Variants in SUGCT observed in about 807,000 individuals in gnomAD.
SUGCT encodes succinyl-CoA:glutarate-CoA transferase.
Under a neutral mutation model 55.0 loss-of-function variants are expected in SUGCT, and 41 were observed. That is an observed-to-expected ratio of 0.74 (90% CI 0.58 to 0.97). The LOEUF is 0.97. Among genes scored for constraint, SUGCT ranks in the 50% least tolerant of loss-of-function variants. SUGCT has a pLI of 0.00. For missense variants in SUGCT, 568 were observed against 547.8 expected, an observed-to-expected ratio of 1.04 and a Z score of -0.37; for synonymous variants, 187 against 200.4, an observed-to-expected ratio of 0.93 and a Z score of 0.56.
the SUGCT span, among the ~76,000 whole-genome samples, chr7:40,880,280 T>C: frequency 6.6e-6 from 1 of 152,218 alleles, no homozygotes; most frequent in African/African-American, 2.4e-5. Context: ...TATTTAGTTA[T>C]TTATTTATTC....
intron 12 of SUGCT, among the ~76,000 whole-genome samples, chr7:40,635,542 A>G (rs1003768433): frequency 4.6e-5 from 7 of 152,208 alleles, no homozygotes; most frequent in African/African-American, 1.7e-4. Context: ...ATGCTAATCA[A>G]ATTAAATTAA....
chr7:40,409,320 A>G (rs564520658), intron 9 of SUGCT, among the ~76,000 whole-genome samples: 12 of 150,212 alleles, frequency 8.0e-5, no homozygotes, highest in South Asian at 4.2e-4. Flanking sequence ...CTGTATTGCA[A>G]TGGTGCGATC....
chr7:40,964,700 A>ATT, the SUGCT span: 4 of 152,214 alleles, frequency 2.6e-5, no homozygotes. Flanking sequence ...TTAATTCTTT[A>ATT]TTGATATGCT....
chr7:40,245,867 C>T (rs1398178368), intron 7 of SUGCT, among the ~76,000 whole-genome samples: 1 of 150,418 alleles, frequency 6.6e-6, no homozygotes, highest in South Asian at 2.1e-4. Context: ...ACAAACATTA[C>T]AAGTCTTGCT....
intron 9 of SUGCT, among the ~76,000 whole-genome samples, chr7:40,345,902 A>C (rs1355639241): frequency 6.6e-6 from 1 of 151,938 alleles, no homozygotes; most frequent in African/African-American, 2.4e-5. Flanking sequence ...CTATTTTGAA[A>C]AAGAAACTGG....
At chr7:40,167,634 A>G (rs912799461) in intron 1 of SUGCT, among the ~76,000 whole-genome samples, 5 of 152,198 alleles carry the variant, frequency 3.3e-5, no homozygotes, top group African/African-American at 1.2e-4. Context: ...GGGTCACGGA[A>G]GAGAACTGTG....
intron 13 of SUGCT, among the ~76,000 whole-genome samples, chr7:40,770,193 T>G (rs1789020702): frequency 1.3e-5 from 2 of 152,158 alleles, no homozygotes; most frequent in African/African-American, 4.8e-5. Context: ...CTGTGGTGAG[T>G]GGCTTTTATA....
intron 13 of SUGCT, among the ~76,000 whole-genome samples, chr7:40,846,012 C>T (rs1428912121): frequency 3.9e-5 from 6 of 152,158 alleles, no homozygotes; most frequent in African/African-American, 1.4e-4. Flanking sequence ...TTTAGTTGCT[C>T]CTTTTAAAAT....
chr7:40,771,020 A>G (rs897320131), intron 13 of SUGCT, among the ~76,000 whole-genome samples: 8 of 152,184 alleles, frequency 5.3e-5, no homozygotes, highest in African/African-American at 1.2e-4. Flanking sequence ...CCAGATGCCA[A>G]TGTCTCTAAA....
At chr7:40,955,415 C>T in the SUGCT span, among the ~76,000 whole-genome samples, 1 of 152,148 alleles carries the variant, frequency 6.6e-6, no homozygotes, top group Non-Finnish European at 1.5e-5. Flanking sequence ...GGAATTCACT[C>T]ATGATTTGGC....
intron 7 of SUGCT, among the ~76,000 whole-genome samples, chr7:40,256,326 C>T (rs1443900703): frequency 3.3e-5 from 5 of 152,030 alleles, no homozygotes; most frequent in African/African-American, 9.7e-5. Context: ...TTGGTTTAGC[C>T]AATCTTAGTA....
At chr7:40,944,112 C>G in the SUGCT span, among the ~76,000 whole-genome samples, 1 of 152,082 alleles carries the variant, frequency 6.6e-6, no homozygotes, top group Non-Finnish European at 1.5e-5. Flanking sequence ...CCTTTGTGCA[C>G]TTTTTGATGG....
At chr7:40,466,423 C>T (rs937673372) in intron 11 of SUGCT, among the ~76,000 whole-genome samples, 1 of 152,186 alleles carries the variant, frequency 6.6e-6, no homozygotes, top group South Asian at 2.1e-4. Flanking sequence ...AAAATAAGCA[C>T]AAGTTTTAGG....
At chr7:40,876,801 T>A in the SUGCT span, among the ~76,000 whole-genome samples, 1 of 152,104 alleles carries the variant, frequency 6.6e-6, no homozygotes, top group African/African-American at 2.4e-5. Flanking sequence ...TGTGCATCCA[T>A]CCCAGGGCTG....
intron 12 of SUGCT, among the ~76,000 whole-genome samples, chr7:40,717,679 G>T (rs1786094975): frequency 1.3e-5 from 2 of 152,176 alleles, no homozygotes; most frequent in African/African-American, 2.4e-5. Flanking sequence ...GTGATTAGTT[G>T]AATAAATTAT....
chr7:41,023,550 A>G, the SUGCT span, among the ~76,000 whole-genome samples: 2 of 152,200 alleles, frequency 1.3e-5, no homozygotes, highest in Non-Finnish European at 2.9e-5. Flanking sequence ...GAATCTTTGT[A>G]CATCCAACAT....
At position 40,693,721 on chromosome 7, in the gene SUGCT, C is replaced by T. The variant is rs115785171; in HGVS notation, c.1090-55713C>T. Among the ~76,000 whole-genome samples, 1,113 of 152,286 alleles carry T rather than the reference C, an allele frequency of 7.3e-3. 10 individuals are homozygous for T. Among genetic ancestry groups the T allele is most frequent in the African/African-American group, 0.025 (1,037 of 41,556 alleles). ...TTTCAACCTGATGTTCAGCGTATTCCTCAGTATTAGAATTTTGGAAGCTCA... is the reference window on the plus strand; with the variant it reads ...TTTCAACCTGATGTTCAGCGTATTCTTCAGTATTAGAATTTTGGAAGCTCA... On this transcript the variant is annotated intron_variant, in intron 12 of 13. Coordinates refer to ENST00000335693, the MANE Select transcript of SUGCT (RefSeq NM_001193313.2).
At chr7:40,589,987 T>C (rs112232923) in intron 12 of SUGCT, among the ~76,000 whole-genome samples, 2 of 152,320 alleles carry the variant, frequency 1.3e-5, no homozygotes, top group African/African-American at 4.8e-5. Flanking sequence ...GCAAATCTAC[T>C]GGTGCCAATG....
At chr7:40,731,336 G>A (rs1786877983) in intron 12 of SUGCT, among the ~76,000 whole-genome samples, 1 of 152,140 alleles carries the variant, frequency 6.6e-6, no homozygotes, top group Admixed American at 6.5e-5. Context: ...CTGATTAGTG[G>A]CAGAACCAAA....
Sources: allele counts gnomAD v4.1 joint callset (sites outside exome capture counted in the v4.1 genomes callset), GRCh38; gene constraint gnomAD v4.1.1; transcripts MANE v1.5; gene names NCBI Gene and HGNC (gene_info 2026-07-23, HGNC 2026-07-21).